The following FBXL13 variants were observed in gnomAD, a reference collection of about 807,000 sequenced individuals.
FBXL13 encodes the protein F-box and leucine rich repeat protein 13.
Under a neutral mutation model 83.6 loss-of-function variants are expected in FBXL13, and 67 were observed. That is an observed-to-expected ratio of 0.80 (90% CI 0.66 to 0.98). The LOEUF is 0.98. FBXL13 is among the 50% of genes least tolerant of loss of function. FBXL13 has a pLI of 0.00. For synonymous variants in FBXL13, 272 were observed against 299.5 expected (o/e 0.91, Z 0.95); for missense variants, 822 against 866.5 (o/e 0.95, Z 0.64).
intron 19 of FBXL13, 111 bp from the exon 21 acceptor site, chr7:102,813,642 AC>A: frequency 9.4e-7 from 1 of 1,067,152 alleles, no homozygotes; most frequent in Non-Finnish European, 1.4e-6. Context: ...ATCTGAATTC[AC>A]ATGAGACCTC....
rs544454617 is a variant in FBXL13, at chr7:103,052,975, T to G, written c.-1+2669A>C. Among the ~76,000 whole-genome samples, 559 of 151,938 alleles carry G rather than the reference T, an allele frequency of 3.7e-3. 2 individuals are homozygous for G. The highest frequency in any genetic ancestry group is 4.4e-3 in the Non-Finnish European group (301 of 67,942). Reference sequence around the variant, plus strand: ...TTTCACCATGTTGGCCAGGCTGGTCTCAAGCTCCTGACCTCAGGTGATCCA... The same window carrying G: ...TTTCACCATGTTGGCCAGGCTGGTCGCAAGCTCCTGACCTCAGGTGATCCA... On this transcript the variant is annotated intron_variant, in intron 2 of 19. Coordinates refer to ENST00000313221, the Ensembl canonical transcript of FBXL13.
At chr7:102,857,752 A>G (rs983567285) in intron 16 of FBXL13, 21 of 152,226 alleles carry the variant, frequency 1.4e-4, no homozygotes, top group Non-Finnish European at 2.8e-4. Context: ...CAAAGCCACA[A>G]TGAGATGTCA....
At chr7:102,967,874 T>C (rs1206943610) in intron 7 of FBXL13, 148 bp downstream of exon 8, 1 of 522,354 alleles carries the variant, frequency 1.9e-6, no homozygotes, top group Admixed American at 3.3e-5. Flanking sequence ...TCCCCCAGGC[T>C]TGTGCCTGGA....
chr7:102,946,505 C>T (rs1005003564), intron 8 of FBXL13, among the ~76,000 whole-genome samples: 7 of 152,066 alleles, frequency 4.6e-5, no homozygotes, highest in Admixed American at 2.0e-4. Context: ...GGGGAGCACT[C>T]GTGAGGGCAG....
At chr7:103,051,590 T>C (rs538523148) in intron 2 of FBXL13, among the ~76,000 whole-genome samples, 24 of 152,144 alleles carry the variant, frequency 1.6e-4, no homozygotes, top group Non-Finnish European at 2.9e-4. Context: ...CTACCTCAGA[T>C]CCCATTTCTG....
At position 102,977,839 on chromosome 7, in the gene FBXL13, A is replaced by G. The variant is rs940238878; in HGVS notation, c.496-9722T>C. 4.6e-5 allele frequency among the ~76,000 whole-genome samples: 7 copies of G among 152,168 alleles called. No individual in the cohort carries two copies. The South Asian group carries it at 8.3e-4, about 18-fold the overall frequency. ...TGGAAACCATCATTCTCAGCAAACT[A>G]TCGCAAGGACAAAAACCAAACACTG... is the stretch of plus-strand genomic sequence containing the variant. On this transcript the variant is annotated intron_variant, in intron 6 of 19. Coordinates refer to ENST00000313221, the Ensembl canonical transcript of FBXL13.
At chr7:102,974,387 AAAAC>A (rs1007157464) in intron 6 of FBXL13, among the ~76,000 whole-genome samples, 11 of 152,020 alleles carry the variant, frequency 7.2e-5, no homozygotes, top group South Asian at 2.1e-4. Context: ...GAGAGTCCGT[AAAAC>A]AAACAAACAA....
chr7:102,906,945 G>C (rs994176202), intron 11 of FBXL13, among the ~76,000 whole-genome samples: 2 of 151,672 alleles, frequency 1.3e-5, no homozygotes, highest in Non-Finnish European at 2.9e-5. Context: ...TTGTTTGTTT[G>C]ATTGGGTTTT....
At chr7:102,953,239 T>G (rs1430410175) in intron 8 of FBXL13, among the ~76,000 whole-genome samples, 3 of 152,040 alleles carry the variant, frequency 2.0e-5, no homozygotes, top group African/African-American at 7.3e-5. Flanking sequence ...TAAATATAGA[T>G]GCAAATATCC....
intron 6 of FBXL13, among the ~76,000 whole-genome samples, chr7:102,979,154 GAAT>G (rs1827877363): frequency 6.6e-6 from 1 of 152,244 alleles, no homozygotes; most frequent in South Asian, 2.1e-4. Context: ...TGATCCAAAA[GAAT>G]AATAAAACTT....
intron 6 of FBXL13, chr7:102,978,500 A>T (rs1333596697): frequency 1.3e-5 from 2 of 154,632 alleles, no homozygotes; most frequent in Non-Finnish European, 2.9e-5. Flanking sequence ...ACCCCTGAAG[A>T]TTGAGAAAGA....
chr7:102,961,023 T>C (rs1413791288), intron 8 of FBXL13, among the ~76,000 whole-genome samples: 3 of 148,498 alleles, frequency 2.0e-5, no homozygotes, highest in Admixed American at 6.7e-5. Context: ...GGTATTCAAT[T>C]AGGAAAAGAG....
intron 1 of FBXL13, among the ~76,000 whole-genome samples, chr7:103,066,784 T>C (rs1585642600): frequency 6.6e-6 from 1 of 151,810 alleles, no homozygotes. Flanking sequence ...GGAAGAATTT[T>C]GTGAGGATTT....
exon 11 of FBXL13, chr7:102,913,146 G>A (rs759963809): frequency 1.9e-6 from 3 of 1,614,038 alleles, no homozygotes. Flanking sequence ...CCAAGTTCAG[G>A]TACTGTAAGC....
intron 6 of FBXL13, among the ~76,000 whole-genome samples, chr7:102,990,658 C>A (rs1278399443): frequency 6.6e-6 from 1 of 152,130 alleles, no homozygotes; most frequent in South Asian, 2.1e-4. Flanking sequence ...CTAACCAAGA[C>A]TGAGAGAGAG....
At chr7:102,857,069 T>C (rs1331766787) in intron 16 of FBXL13, among the ~76,000 whole-genome samples, 2 of 151,622 alleles carry the variant, frequency 1.3e-5, no homozygotes, top group Non-Finnish European at 2.9e-5. Context: ...TGTATCTCCA[T>C]ATACAAAAGT....
At chr7:102,814,082 A>G (rs1474826515) in intron 19 of FBXL13, among the ~76,000 whole-genome samples, 1 of 152,188 alleles carries the variant, frequency 6.6e-6, no homozygotes, top group East Asian at 1.9e-4. Context: ...AGTATTAAAA[A>G]ATACTGTTAT....
At chr7:103,036,227 G>A (rs1402299570) in intron 2 of FBXL13, among the ~76,000 whole-genome samples, 1 of 152,022 alleles carries the variant, frequency 6.6e-6, no homozygotes, top group Non-Finnish European at 1.5e-5. Flanking sequence ...CACAAAACCA[G>A]TCTCTGGTAC....
intron 12 of FBXL13, 144 bp downstream of exon 13, chr7:102,884,070 T>A (rs1416174618): frequency 1.6e-6 from 1 of 626,842 alleles, no homozygotes; most frequent in Non-Finnish European, 2.8e-6. Context: ...GGTATGTGCA[T>A]GTGTGGAAAC....
Sources: allele counts gnomAD v4.1 joint callset (sites outside exome capture counted in the v4.1 genomes callset), GRCh38; gene constraint gnomAD v4.1.1; transcripts MANE v1.5; gene names NCBI Gene and HGNC (gene_info 2026-07-23, HGNC 2026-07-21).